AOC1: variants seen among roughly 807,000 people sequenced by gnomAD.
AOC1 encodes the protein diamine oxidase [copper-containing].
A neutral mutation model predicts 57.1 loss-of-function variants in AOC1; 58 were observed. The ratio of observed to expected loss-of-function variants is 1.02; its 90% confidence interval spans 0.82 to 1.26. The LOEUF (loss-of-function observed/expected upper bound fraction) is 1.26, where lower values mean the gene tolerates loss of function less well. Ranked by LOEUF, AOC1 falls within the 50% of genes most tolerant of loss-of-function variation. AOC1 has a pLI of 0.00. For synonymous variants in AOC1, 401 were observed against 423.4 expected, an observed-to-expected ratio of 0.95 and a Z score of 0.65; for missense variants, 917 against 1,005.3, an observed-to-expected ratio of 0.91 and a Z score of 1.19.
chr7:150,860,589 G>T lies in AOC1; in HGVS notation c.1945G>T (p.Val649Phe), dbSNP rs1799940163. Residue 649 changes from valine (V) to phenylalanine (F), a missense_variant, in exon 4 of 5, where the codon GTC becomes TTC. By Grantham distance (50) the Val-to-Phe change is conservative. Transcript: ENST00000360937. ...GAACGACCCCTGGCACCCGCCCGTG[G>T]TCTTTGAGCAGTTTCTTCACAACAA... ...HQNDPWHPPV[V>F]FEQFLHNNEN... 6.2e-7 allele frequency: 1 copy of T among 1,613,864 alleles called. No homozygotes were observed. Among genetic ancestry groups the T allele is most frequent in the African/African-American group, 1.3e-5 (1 of 74,878 alleles).
In AOC1 at chr7:150,857,428, G is replaced by C. The variant is rs186534674; in HGVS notation, c.958G>C (p.Gly320Arg). The C allele has an allele frequency of 1.2e-6, 2 of 1,610,660 alleles. No individual in the cohort carries two copies. Among genetic ancestry groups the C allele is most frequent in the Non-Finnish European group, 1.7e-6 (2 of 1,179,486 alleles). The change falls in exon 2 of 5, where the codon GGC becomes CGC. Residue 320 changes from glycine to arginine, a missense_variant. Physicochemically the swap from Gly to Arg is moderately radical, Grantham distance 125. Transcript: ENST00000360937. The surrounding 1 kb of genome is among the most constrained non-coding windows in gnomAD (Gnocchi z 6.6). ...GCTGGAGGGCAACGCTGTGCTCTAC[G>C]GCGGCTGGAGCTTTGCCTTCCGGCT... Reference protein sequence around the residue: ...FRLEGNAVLYGGWSFAFRLRS... With the variant: ...FRLEGNAVLYRGWSFAFRLRS...
chr7:150,858,292 G>A (rs1286352338), intron 2 of AOC1, among the ~76,000 whole-genome samples: 1 of 152,202 alleles, frequency 6.6e-6, no homozygotes, highest in East Asian at 1.9e-4. Context: ...GGGCAAGGGA[G>A]GGGACGGTGC....
In AOC1 at chr7:150,861,339, AAC is replaced by A. The variant is rs1563101686; in HGVS notation, c.*135_*136del. 2.7e-6 allele frequency: 3 copies of A among 1,102,930 alleles called. No individual in the cohort carries two copies. The African/African-American group carries it at 5.2e-5, about 19-fold the overall frequency. 68.3% of individuals were successfully genotyped at this position (1,102,930 alleles called of 1,614,324 possible). On this transcript the variant is annotated 3_prime_UTR_variant, in exon 5 of 5. Coordinates refer to ENST00000360937, the MANE Select transcript of AOC1 (RefSeq NM_001091.4). This position sits in a 1 kb window ranked among gnomAD's most constrained non-coding sequence, Gnocchi z 4.5. The stretch of plus-strand genomic sequence containing the variant: ...GAGGCACAGGGCCATGTGTGTAGGA[AAC>A]ACACGAACAGACGTGCACACACACA...
In AOC1 at chr7:150,860,180, AAAAAAG is replaced by A. The variant is rs137908330; in HGVS notation, c.1857-310_1857-305del. 7.3e-3 allele frequency among the ~76,000 whole-genome samples: 1,095 copies of A among 150,758 alleles called. 15 individuals are homozygous for A. The highest frequency in any genetic ancestry group is 0.025 in the African/African-American group (1,019 of 40,368). ...GGTGACAGAGCAAAACTCCATCAAA[AAAAAAG>A]AAAAAGAAAAGAAAAGAAGGAAGGA... is the stretch of plus-strand genomic sequence containing the variant. On this transcript the variant is annotated intron_variant, in intron 3 of 4. Transcript: ENST00000360937.
In AOC1 at chr7:150,856,505, T is replaced by C; in HGVS notation, c.35T>C (p.Leu12Pro). 6.2e-7 allele frequency: 1 copy of C among 1,613,948 alleles called. No individual in the cohort carries two copies. The highest frequency in any genetic ancestry group is 1.3e-5 in the African/African-American group (1 of 75,044). The change falls in exon 2 of 5, where the codon CTG (leucine) becomes CCG (proline). Residue 12 changes from leucine (L) to proline (P), a missense_variant. Physicochemically the swap from Leu to Pro is moderately conservative, Grantham distance 98. Transcript: ENST00000360937. This position sits in a 1 kb window ranked among gnomAD's most constrained non-coding sequence, Gnocchi z 5.2. Reference sequence around the variant, plus strand: ...CTGGGCTGGGCCGTGGCTGCCATCCTGATGCTGCAGACGGCCATGGCGGAG... The same window carrying C: ...CTGGGCTGGGCCGTGGCTGCCATCCCGATGCTGCAGACGGCCATGGCGGAG... ...PALGWAVAAI[L>P]MLQTAMAEPS...
rs931158955 is a variant in AOC1, at chr7:150,853,590, G to A, written c.-17+1032G>A. Among the ~76,000 whole-genome samples, 208 of 149,730 alleles carry A rather than the reference G, an allele frequency of 1.4e-3. 1 individual carries two copies. The highest frequency in any genetic ancestry group is 4.9e-3 in the African/African-American group (199 of 41,006). ...GTCTACTATAATCCCAGCACTTTGG[G>A]AGGCCAACGCAGGAGGATCACTTGA... On this transcript the variant is annotated intron_variant, in intron 1 of 4. Coordinates refer to ENST00000360937, the MANE Select transcript of AOC1 (RefSeq NM_001091.4).
rs1799807233 is a variant in AOC1, at chr7:150,857,218, G to A, written c.748G>A (p.Ala250Thr). ...GTTCTATGGGAGCCCAGAGGAACTG[G>A]CTCGGAAGTATGCAGATGGAGAGGT... ...GKFYGSPEEL[A>T]RKYADGEVDV... The change falls in exon 2 of 5, where the codon GCT becomes ACT. Residue 250 changes from alanine to threonine, a missense_variant. Coordinates refer to ENST00000360937, the MANE Select transcript of AOC1 (RefSeq NM_001091.4). This position sits in a 1 kb window ranked among gnomAD's most constrained non-coding sequence, Gnocchi z 6.6. 3 of 1,612,848 alleles carry A rather than the reference G, an allele frequency of 1.9e-6. No homozygotes were observed. Among genetic ancestry groups the A allele is most frequent in the East Asian group, 2.2e-5 (1 of 44,864 alleles).
chr7:150,858,795 A>C lies in AOC1; in HGVS notation c.1603A>C (p.Lys535Gln). The C allele has an allele frequency of 6.2e-7, 1 of 1,610,052 alleles. No individual in the cohort carries two copies. Among genetic ancestry groups the C allele is most frequent in the Non-Finnish European group, 8.5e-7 (1 of 1,176,644 alleles). ...TKNSFQTLQM[K>Q]LENITNPWSP... The stretch of plus-strand genomic sequence containing the variant: ...GAACAGCTTCCAGACACTGCAGATG[A>C]AGCTAGAAAACATCACCAACCCCTG... Residue 535 changes from lysine (K) to glutamine (Q), a missense_variant, in exon 3 of 5, where the codon AAG (lysine) becomes CAG (glutamine). Lys to Gln is a moderately conservative substitution (Grantham distance 53). Transcript: ENST00000360937.
chr7:150,852,890 C>A lies in AOC1; in HGVS notation c.-17+332C>A, dbSNP rs774717207. 6.6e-6 allele frequency among the ~76,000 whole-genome samples: 1 copy of A among 152,148 alleles called. No individual in the cohort carries two copies. The highest frequency in any genetic ancestry group is 1.5e-5 in the Non-Finnish European group (1 of 68,024). Reference sequence around the variant, plus strand: ...GGTTTGTCCTGGGGAAAGCAAAGGTCTCTTCCACATCTTTCTCCTTCCTGG... The same window carrying A: ...GGTTTGTCCTGGGGAAAGCAAAGGTATCTTCCACATCTTTCTCCTTCCTGG... On this transcript the variant is annotated intron_variant, in intron 1 of 4. Coordinates refer to ENST00000360937, the MANE Select transcript of AOC1 (RefSeq NM_001091.4). The surrounding 1 kb of genome is among the most constrained non-coding windows in gnomAD (Gnocchi z 4.6).
Position 150,861,406 on chromosome 7 carries a change from G to A in AOC1, c.*197G>A, listed in dbSNP as rs571591233. The A allele has an allele frequency of 1.2e-5, 7 of 584,270 alleles. No homozygotes were observed. The highest frequency in any genetic ancestry group is 5.6e-5 in the East Asian group (2 of 35,570). The allele number at this position is 584,270 out of a possible 1,614,324, so 36.2% of individuals were successfully genotyped here. The stretch of plus-strand genomic sequence containing the variant: ...CACAGACATGCACACACACACAGAC[G>A]TGCACACACACAGACGTGCACGCAC... On this transcript the variant is annotated 3_prime_UTR_variant, in exon 5 of 5. Coordinates refer to ENST00000360937, the MANE Select transcript of AOC1 (RefSeq NM_001091.4). The surrounding 1 kb of genome is among the most constrained non-coding windows in gnomAD (Gnocchi z 4.5).
rs45527844 is a variant in AOC1 at position 150,856,042 on chromosome 7, C to T, written c.-16-413C>T. ...AAATCTGTCTACCTAAAAGGTATTT[C>T]GTTGTGTCAGAAATGTAGTTTTGCT... On this transcript the variant is annotated intron_variant, in intron 1 of 4. Coordinates refer to ENST00000360937, the MANE Select transcript of AOC1 (RefSeq NM_001091.4). The surrounding 1 kb of genome is among the most constrained non-coding windows in gnomAD (Gnocchi z 5.2). Among the ~76,000 whole-genome samples, 4 of 152,088 alleles carry T rather than the reference C, an allele frequency of 2.6e-5. No homozygotes were observed. Among genetic ancestry groups the T allele is most frequent in the East Asian group, 1.9e-4 (1 of 5,194 alleles).
chr7:150,858,283 G>A (rs1799856511), intron 2 of AOC1, among the ~76,000 whole-genome samples: 1 of 152,180 alleles, frequency 6.6e-6, no homozygotes, highest in Admixed American at 6.5e-5. Flanking sequence ...CTGTGCATGG[G>A]GCAAGGGAGG....
chr7:150,856,709 A>G lies in AOC1; in HGVS notation c.239A>G (p.Tyr80Cys). The G allele has an allele frequency of 1.2e-6, 2 of 1,614,122 alleles. No homozygotes were observed. Among genetic ancestry groups the G allele is most frequent in the Non-Finnish European group, 1.7e-6 (2 of 1,179,986 alleles). The change falls in exon 2 of 5, where the codon TAC becomes TGC. Residue 80 changes from tyrosine to cysteine, a missense_variant. Transcript: ENST00000360937. The surrounding 1 kb of genome is among the most constrained non-coding windows in gnomAD (Gnocchi z 5.2). ...FLIEMLLPKK[Y>C]HVLRFLDKGE... Reference sequence around the variant, plus strand: ...ATCGAGATGCTGCTGCCCAAGAAGTACCATGTGCTGAGGTTTCTGGATAAA... The same window carrying G: ...ATCGAGATGCTGCTGCCCAAGAAGTGCCATGTGCTGAGGTTTCTGGATAAA...
rs891212523 is a variant in AOC1, at chr7:150,856,311, C to G, written c.-16-144C>G. The G allele has an allele frequency of 1.8e-6, 2 of 1,087,116 alleles. No individual in the cohort carries two copies. The highest frequency in any genetic ancestry group is 2.6e-6 in the Non-Finnish European group (2 of 781,118). The allele number at this position is 1,087,116 out of a possible 1,614,324, so 67.3% of individuals were successfully genotyped here. On this transcript the variant is annotated intron_variant, in intron 1 of 4. Transcript: ENST00000360937. The surrounding 1 kb of genome is among the most constrained non-coding windows in gnomAD (Gnocchi z 5.2). ...CGGCGCTGGGGACTATGCATGGGGCCCCAGCTGCCCCAGGACAGCCTCCAG... is the reference window on the plus strand; with the variant it reads ...CGGCGCTGGGGACTATGCATGGGGCGCCAGCTGCCCCAGGACAGCCTCCAG...
Position 150,859,064 on chromosome 7 carries a change from G to C in AOC1, c.1856+16G>C, listed in dbSNP as rs11981217. On this transcript the variant is annotated intron_variant, in intron 3 of 4. Coordinates refer to ENST00000360937, the MANE Select transcript of AOC1 (RefSeq NM_001091.4). ...CCTGGGCAAGGTGAGGAAGACCCAG[G>C]GGGCCTGGGGGAGGGTCAGTGGCTT... The C allele has an allele frequency of 6.5e-7, 1 of 1,530,996 alleles. No homozygotes were observed. The highest frequency in any genetic ancestry group is 1.3e-5 in the South Asian group (1 of 79,150). 94.8% of individuals were successfully genotyped at this position (1,530,996 alleles called of 1,614,324 possible). A position where few individuals can be genotyped will look rare whatever the true frequency, so the allele number is the denominator to read the frequency against.
In AOC1 at chr7:150,856,492, G is replaced by A. The variant is rs751670281; in HGVS notation, c.22G>A (p.Val8Met). The A allele has an allele frequency of 1.1e-5, 17 of 1,613,522 alleles. No individual in the cohort carries two copies. The highest frequency in any genetic ancestry group is 2.7e-5 in the African/African-American group (2 of 74,904). MPALGWA[V>M]AAILMLQTAM... ...AGAGATGCCGGCCCTGGGCTGGGCC[G>A]TGGCTGCCATCCTGATGCTGCAGAC... The change falls in exon 2 of 5, where the codon GTG becomes ATG. Residue 8 changes from valine to methionine, a missense_variant. Physicochemically the swap from Val to Met is conservative, Grantham distance 21. Transcript: ENST00000360937. This position sits in a 1 kb window ranked among gnomAD's most constrained non-coding sequence, Gnocchi z 5.2.
intron 1 of AOC1, chr7:150,853,897 C>CT (rs1377136501): frequency 6.6e-6 from 1 of 151,966 alleles, no homozygotes; most frequent in East Asian, 1.9e-4. Context: ...TGGTGCACAC[C>CT]TGTAATCCCA....
At chr7:150,860,320 C>G in intron 3 of AOC1, 181 bp from the exon 4 acceptor site, 1 of 1,019,208 alleles carries the variant, frequency 9.8e-7, no homozygotes, top group Non-Finnish European at 1.4e-6. Flanking sequence ...GGGAGGACTC[C>G]TGTGGGTCAC....
Position 150,856,584 on chromosome 7 carries a change from C to A in AOC1, c.114C>A (p.Asn38Lys). ...CAGGGGTGTTTTCAGACCTAAGCAA[C>A]CAAGAGCTGAAGGCAGTGCACAGCT... The part of the protein sequence containing the change: ...RKAGVFSDLS[N>K]QELKAVHSFL... Residue 38 changes from asparagine to lysine, a missense_variant, in exon 2 of 5, where the codon AAC (asparagine) becomes AAA (lysine). Asn to Lys is a moderately conservative substitution (Grantham distance 94). Transcript: ENST00000360937. This position sits in a 1 kb window ranked among gnomAD's most constrained non-coding sequence, Gnocchi z 5.2. 6.2e-7 allele frequency: 1 copy of A among 1,614,084 alleles called. No individual in the cohort carries two copies. Among genetic ancestry groups the A allele is most frequent in the Non-Finnish European group, 8.5e-7 (1 of 1,179,934 alleles).
Sources: allele counts gnomAD v4.1 joint callset (sites outside exome capture counted in the v4.1 genomes callset), GRCh38; gene constraint gnomAD v4.1.1; non-coding constraint Gnocchi (gnomAD v3.1); transcripts MANE v1.5; gene names NCBI Gene and HGNC (gene_info 2026-07-23, HGNC 2026-07-21).